SPATA4: variants seen among roughly 807,000 people sequenced by gnomAD.
SPATA4 encodes spermatogenesis associated 4.
Under a neutral mutation model 31.8 loss-of-function variants are expected in SPATA4, and 35 were observed. The ratio of observed to expected loss-of-function variants is 1.10; its 90% CI spans 0.84 to 1.46. The LOEUF (loss-of-function observed/expected upper bound fraction) is 1.46, where lower values mean the gene tolerates loss of function less well. Among genes scored for constraint, SPATA4 ranks in the 40% most tolerant of loss-of-function variants. SPATA4 has a pLI of 0.00. For synonymous variants in SPATA4, 126 were observed against 132.4 expected, an observed-to-expected ratio of 0.95 and a Z score of 0.33; for missense variants, 394 against 363.1, an observed-to-expected ratio of 1.09 and a Z score of -0.69.
Position 176,189,379 on chromosome 4 carries a change from T to A in SPATA4, c.689-1144A>T, listed in dbSNP as rs1204534856. Reference sequence around the variant, plus strand: ...AGAGATTTAAAATGTTCAAAATTAGTGGGAAAAAAAATCTTTGGAAAAAAA... The same window carrying A: ...AGAGATTTAAAATGTTCAAAATTAGAGGGAAAAAAAATCTTTGGAAAAAAA... On this transcript the variant is annotated intron_variant, in intron 4 of 5. Coordinates refer to ENST00000280191, the MANE Select transcript of SPATA4 (RefSeq NM_144644.4). Among the ~76,000 whole-genome samples the A allele has an allele frequency of 4.7e-5, 7 of 149,020 alleles. No homozygotes were observed. The East Asian group carries it at 1.4e-3, about 29-fold the overall frequency.
intron 4 of SPATA4, among the ~76,000 whole-genome samples, chr4:176,191,838 TG>T (rs927462684): frequency 2.2e-4 from 34 of 152,202 alleles, no homozygotes; most frequent in Admixed American, 5.9e-4. Flanking sequence ...ATGTTAAAAT[TG>T]GTGCTTTCCT....
chr4:176,193,410 C>T lies in SPATA4; in HGVS notation c.348+43G>A, dbSNP rs752215825. On this transcript the variant is annotated intron_variant, in intron 2 of 5. Transcript: ENST00000280191. Reference sequence around the variant, plus strand: ...GAAATTAGCATGGCACACTTTAAAACAAACATCTTAACAGTTAAAAGTGTA... The same window carrying T: ...GAAATTAGCATGGCACACTTTAAAATAAACATCTTAACAGTTAAAAGTGTA... 20 of 1,595,904 alleles carry T rather than the reference C, an allele frequency of 1.3e-5. No individual in the cohort carries two copies. The South Asian group carries it at 2.2e-4, about 17-fold the overall frequency.
chr4:176,193,399 A>G, intron 2 of SPATA4, 54 bp downstream of exon 2: 3 of 1,584,710 alleles, frequency 1.9e-6, no homozygotes, highest in Non-Finnish European at 2.6e-6. Context: ...TTAGCATGGC[A>G]CACTTTAAAA....
At chr4:176,189,511 C>A (rs1167441886) in intron 4 of SPATA4, among the ~76,000 whole-genome samples, 1 of 151,296 alleles carries the variant, frequency 6.6e-6, no homozygotes, top group Non-Finnish European at 1.5e-5. Flanking sequence ...TAACAACGGG[C>A]AGTATTAATA....
intron 4 of SPATA4, among the ~76,000 whole-genome samples, chr4:176,189,378 G>C (rs1752492278): frequency 6.6e-6 from 1 of 151,428 alleles, no homozygotes; most frequent in South Asian, 2.1e-4. Flanking sequence ...TTCAAAATTA[G>C]TGGGAAAAAA....
Position 176,184,798 on chromosome 4 carries a change from G to A in SPATA4, c.900C>T (p.Asn300=). The A allele has an allele frequency of 1.3e-6, 2 of 1,591,154 alleles. No individual in the cohort carries two copies. ...SYYSAMKPIR[N]MDKKP ...GTGCTTTTCAAGGTTTCTTGTCCATGTTTCTGATAGGTTTCATAGCAGAGT... is the reference window on the plus strand; with the variant it reads ...GTGCTTTTCAAGGTTTCTTGTCCATATTTCTGATAGGTTTCATAGCAGAGT... Residue 300 remains asparagine (N), a synonymous_variant, in exon 6 of 6, where the codon AAC becomes AAT. Transcript: ENST00000280191.
rs774604375 is a variant in SPATA4 at position 176,184,678 on chromosome 4, T to C, written c.*102A>G. 4 of 559,872 alleles carry C rather than the reference T, an allele frequency of 7.1e-6. No individual in the cohort carries two copies. Among genetic ancestry groups the C allele is most frequent in the Admixed American group, 3.8e-5 (1 of 26,370 alleles). 34.7% of individuals were successfully genotyped at this position (559,872 alleles called of 1,614,324 possible). A position where few individuals can be genotyped will look rare whatever the true frequency, so the allele number is the denominator to read the frequency against. ...AACACAATTATGGAAAAGACACCAC[T>C]CTATTTATTATTGAAATACATCCAA... is the stretch of plus-strand genomic sequence containing the variant. On this transcript the variant is annotated 3_prime_UTR_variant, in exon 6 of 6. Coordinates refer to ENST00000280191, the MANE Select transcript of SPATA4 (RefSeq NM_144644.4).
At chr4:176,186,739 A>G (rs1019053981) in intron 5 of SPATA4, among the ~76,000 whole-genome samples, 1 of 152,208 alleles carries the variant, frequency 6.6e-6, no homozygotes, top group Non-Finnish European at 1.5e-5. Flanking sequence ...GTGTGATCAA[A>G]TAGAGTTTGG....
At chr4:176,186,759 C>A (rs1003556367) in intron 5 of SPATA4, among the ~76,000 whole-genome samples, 3 of 152,120 alleles carry the variant, frequency 2.0e-5, no homozygotes, top group African/African-American at 7.2e-5. Flanking sequence ...GAAAACACTT[C>A]ATTCTGCTTC....
At chr4:176,185,054 T>C (rs575670151) in intron 5 of SPATA4, among the ~76,000 whole-genome samples, 162 bp from the exon 6 acceptor site, 72 of 152,270 alleles carry the variant, frequency 4.7e-4, no homozygotes, top group African/African-American at 1.4e-3. Flanking sequence ...AAATCACGCA[T>C]TATAGTACTC....
rs1164117724 is a variant in SPATA4, at chr4:176,193,439, G to A, written c.348+14C>T. ...CATCTTAACAGTTAAAAGTGTAAAT[G>A]ACTGCTAACGTACCTTCTCCAACTG... On this transcript the variant is annotated intron_variant, in intron 2 of 5. Transcript: ENST00000280191. 6.2e-7 allele frequency: 1 copy of A among 1,606,206 alleles called. No homozygotes were observed. Among genetic ancestry groups the A allele is most frequent in the African/African-American group, 1.3e-5 (1 of 74,424 alleles).
intron 4 of SPATA4, among the ~76,000 whole-genome samples, chr4:176,188,728 A>G (rs183462176): frequency 3.3e-4 from 51 of 152,354 alleles, no homozygotes; most frequent in Non-Finnish European, 5.4e-4. Context: ...CATTTTGCAC[A>G]TATTTGTGAA....
intron 4 of SPATA4, among the ~76,000 whole-genome samples, chr4:176,192,332 C>T (rs1461894488): frequency 1.3e-5 from 2 of 152,174 alleles, no homozygotes; most frequent in African/African-American, 4.8e-5. Flanking sequence ...TCCTTAGTTA[C>T]TTGATATATG....
chr4:176,187,968 A>G, intron 5 of SPATA4, 151 bp downstream of exon 5: 1 of 631,926 alleles, frequency 1.6e-6, no homozygotes, highest in Non-Finnish European at 2.8e-6. Flanking sequence ...TTCACTTATC[A>G]TAAAGAACTG....
chr4:176,185,439 A>G (rs2126920695), intron 5 of SPATA4, among the ~76,000 whole-genome samples: 2 of 152,328 alleles, frequency 1.3e-5, no homozygotes, highest in East Asian at 3.9e-4. Context: ...AAAAGAAAAA[A>G]GCAAAGGTAA....
At chr4:176,193,788 CA>C (rs1752570934) in intron 1 of SPATA4, 1 of 419,976 alleles carries the variant, frequency 2.4e-6, no homozygotes, top group East Asian at 4.4e-5. Context: ...TTGATGAACC[CA>C]AACTGTTAAT....
chr4:176,192,979 T>C lies in SPATA4; in HGVS notation c.446A>G (p.Tyr149Cys), dbSNP rs17062589. 2.0e-3 allele frequency: 3,209 copies of C among 1,608,306 alleles called. 60 individuals are homozygous for C. In the African/African-American group the frequency reaches 0.038, roughly 19 times the overall value. The change falls in exon 3 of 6, where the codon TAC becomes TGC. Residue 149 changes from tyrosine (Y) to cysteine (C), a missense_variant. Transcript: ENST00000280191. Reference sequence around the variant, plus strand: ...TTACTCTCGATGTGTTAATAAAGTGTAAACCTCTTCTATCAATATTTCAGG... The same window carrying C: ...TTACTCTCGATGTGTTAATAAAGTGCAAACCTCTTCTATCAATATTTCAGG... ...GVPEILIEEV[Y>C]TLLTHREIKS...
chr4:176,186,231 G>C (rs759592596), intron 5 of SPATA4, among the ~76,000 whole-genome samples: 1 of 152,176 alleles, frequency 6.6e-6, no homozygotes, highest in African/African-American at 2.4e-5. Context: ...GAAGGAAGCC[G>C]TGCTGTGACT....
intron 4 of SPATA4, among the ~76,000 whole-genome samples, chr4:176,189,944 A>T (rs879662047): frequency 5.9e-5 from 9 of 152,258 alleles, no homozygotes; most frequent in Admixed American, 2.6e-4. Flanking sequence ...TGTCCCTTTT[A>T]AGGGCTCACA....
Sources: allele counts gnomAD v4.1 joint callset (sites outside exome capture counted in the v4.1 genomes callset), GRCh38; gene constraint gnomAD v4.1.1; transcripts MANE v1.5; gene names NCBI Gene and HGNC (gene_info 2026-07-23, HGNC 2026-07-21).